The following NT5C2 variants were observed in gnomAD, a reference collection of about 807,000 sequenced individuals.
NT5C2 encodes cytosolic purine 5'-nucleotidase.
A neutral mutation model predicts 76.1 loss-of-function variants in NT5C2; 58 were observed. The ratio of observed to expected loss-of-function variants is 0.76; its 90% CI spans 0.62 to 0.95. The LOEUF (loss-of-function observed/expected upper bound fraction) is 0.95. Ranked by LOEUF, NT5C2 falls within the 40% of genes least tolerant of loss-of-function variation. NT5C2 has a pLI of 0.00. For synonymous variants in NT5C2, 229 were observed against 237.4 expected, an observed-to-expected ratio of 0.96 and a Z score of 0.32; for missense variants, 478 against 690.3, an observed-to-expected ratio of 0.69 and a Z score of 3.45.
At chr10:103,125,428 G>T in intron 4 of NT5C2, 1 of 248,954 alleles carries the variant, frequency 4.0e-6, no homozygotes, top group Non-Finnish European at 7.9e-6. Flanking sequence ...GTGGTGGCGT[G>T]GAAAGATGAT....
At chr10:103,157,022 C>A (rs778491495) in intron 3 of NT5C2, among the ~76,000 whole-genome samples, 2 of 151,044 alleles carry the variant, frequency 1.3e-5, no homozygotes, top group African/African-American at 4.9e-5. Context: ...TCTGATATGC[C>A]TTTTGCATAA....
intron 4 of NT5C2, among the ~76,000 whole-genome samples, chr10:103,115,201 G>C (rs1590978976): frequency 6.6e-6 from 1 of 152,328 alleles, no homozygotes; most frequent in East Asian, 1.9e-4. Context: ...AGGAGTTCCA[G>C]ACCTGCCTGG....
At chr10:103,108,353 ATGC>A (rs2071957087) in intron 4 of NT5C2, among the ~76,000 whole-genome samples, 1 of 152,204 alleles carries the variant, frequency 6.6e-6, no homozygotes, top group South Asian at 2.1e-4. Flanking sequence ...TCTCATAATA[ATGC>A]AACTATTATT....
At chr10:103,092,763 A>G (rs2134641030) in intron 15 of NT5C2, among the ~76,000 whole-genome samples, 2 of 152,334 alleles carry the variant, frequency 1.3e-5, no homozygotes, top group South Asian at 4.1e-4. Context: ...TCACTGCCCC[A>G]GAATCACAGA....
chr10:103,106,009 A>G (rs909800956), intron 5 of NT5C2, among the ~76,000 whole-genome samples: 3 of 152,240 alleles, frequency 2.0e-5, no homozygotes, highest in African/African-American at 7.2e-5. Flanking sequence ...ACAGAAAATC[A>G]TAATTGTTTT....
intron 4 of NT5C2, among the ~76,000 whole-genome samples, chr10:103,117,993 T>C (rs1445518821): frequency 1.3e-5 from 2 of 152,198 alleles, no homozygotes; most frequent in Non-Finnish European, 2.9e-5. Flanking sequence ...ATTCCTAAAA[T>C]GTCTAAGAAA....
intron 1 of NT5C2, among the ~76,000 whole-genome samples, chr10:103,188,161 C>T (rs1402161746): frequency 2.0e-5 from 3 of 152,102 alleles, no homozygotes; most frequent in Non-Finnish European, 4.4e-5. Flanking sequence ...TCGAGACCAG[C>T]CTGGCCAACA....
intron 4 of NT5C2, among the ~76,000 whole-genome samples, chr10:103,135,495 T>C (rs886128186): frequency 2.6e-5 from 4 of 152,148 alleles, no homozygotes; most frequent in Admixed American, 1.3e-4. Flanking sequence ...TTCTTTCTGG[T>C]TGGGCTCGGT....
chr10:103,146,942 G>A (rs910571833), intron 3 of NT5C2, among the ~76,000 whole-genome samples: 4 of 152,212 alleles, frequency 2.6e-5, no homozygotes, highest in African/African-American at 9.6e-5. Context: ...CCCATGACAT[G>A]ACACATACAG....
chr10:103,146,574 T>C (rs1259428309), intron 3 of NT5C2: 1 of 364,166 alleles, frequency 2.7e-6, no homozygotes. Context: ...TAATAGAAAA[T>C]GCTATAATGT....
chr10:103,126,814 T>A (rs923930259), intron 4 of NT5C2, among the ~76,000 whole-genome samples: 5 of 152,202 alleles, frequency 3.3e-5, no homozygotes, highest in African/African-American at 1.2e-4. Flanking sequence ...GCGGATTTTT[T>A]ATTTTTATTT....
intron 3 of NT5C2, among the ~76,000 whole-genome samples, chr10:103,158,199 T>G (rs1308979678): frequency 6.6e-6 from 1 of 150,792 alleles, no homozygotes; most frequent in South Asian, 2.1e-4. Flanking sequence ...AAAAAGGACA[T>G]AACAAAATCA....
At chr10:103,130,188 CTT>C (rs1402814917) in intron 4 of NT5C2, among the ~76,000 whole-genome samples, 4 of 151,684 alleles carry the variant, frequency 2.6e-5, no homozygotes, top group East Asian at 2.0e-4. Flanking sequence ...ACATGGGAGA[CTT>C]TTCATTTTGT....
intron 3 of NT5C2, among the ~76,000 whole-genome samples, chr10:103,172,257 T>G (rs1473974653): frequency 1.3e-5 from 2 of 151,324 alleles, no homozygotes; most frequent in Non-Finnish European, 3.0e-5. Flanking sequence ...ATTTTTTTTT[T>G]TTTTTTTGAG....
rs772144701 is a variant in NT5C2, at chr10:103,089,804, G to C, written c.1554C>G (p.Asp518Glu). The C allele has an allele frequency of 1.2e-6, 2 of 1,614,156 alleles. No individual in the cohort carries two copies. The highest frequency in any genetic ancestry group is 2.2e-5 in the South Asian group (2 of 91,078). ...ACCGTGTCAGCTGGTGCCGCTTGTA[G>C]TCAGTGTCTTTGAAATCCACTGATG... ...NRTSVDFKDT[D>E]YKRHQLTRSI... is the part of the protein sequence containing the mutation. Residue 518 changes from aspartate to glutamate, a missense_variant, in exon 19 of 19, where the codon GAC becomes GAG. Physicochemically the swap from Asp to Glu is conservative, Grantham distance 45 (BLOSUM62 2). Coordinates refer to ENST00000404739, the MANE Select transcript of NT5C2 (RefSeq NM_001351169.2).
intron 3 of NT5C2, among the ~76,000 whole-genome samples, chr10:103,174,247 A>T (rs1002319513): frequency 6.6e-6 from 1 of 152,222 alleles, no homozygotes; most frequent in African/African-American, 2.4e-5. Flanking sequence ...TCTCTACCAA[A>T]ACTACAAAAA....
intron 3 of NT5C2, among the ~76,000 whole-genome samples, chr10:103,152,059 C>A (rs1278692693): frequency 6.6e-6 from 1 of 152,160 alleles, no homozygotes; most frequent in African/African-American, 2.4e-5. Context: ...CTTCCAAGAA[C>A]TTTAACCGCG....
At chr10:103,138,691 A>G (rs2079791549) in intron 4 of NT5C2, among the ~76,000 whole-genome samples, 2 of 152,226 alleles carry the variant, frequency 1.3e-5, no homozygotes, top group African/African-American at 4.8e-5. Context: ...ATGGAAAATG[A>G]ACACATTTCC....
chr10:103,166,159 C>A (rs1212538692), intron 3 of NT5C2, among the ~76,000 whole-genome samples: 2 of 152,228 alleles, frequency 1.3e-5, no homozygotes, highest in Non-Finnish European at 2.9e-5. Context: ...CAACTTTATT[C>A]AGACTTCATC....
Sources: gnomAD v4.1 joint callset for allele counts (sites outside exome capture counted in the v4.1 genomes callset) on GRCh38, gnomAD v4.1.1 for gene constraint, MANE v1.5 for transcripts, NCBI Gene and HGNC (gene_info 2026-07-23, HGNC 2026-07-21) for gene names.